The following FRMD3 variants were observed in gnomAD, a reference collection of about 807,000 sequenced individuals.
FRMD3 encodes FERM domain-containing protein 3.
In FRMD3, 33 loss-of-function variants were observed where a neutral mutation model predicts 70.2. The ratio of observed to expected loss-of-function variants is 0.47; its 90% confidence interval spans 0.36 to 0.63. The LOEUF (loss-of-function observed/expected upper bound fraction) is 0.63. Ranked by LOEUF, FRMD3 falls within the 20% of genes least tolerant of loss-of-function variation. The pLI is 0.00. For synonymous variants in FRMD3, 279 were observed against 255.9 expected (o/e 1.09, Z -0.86); for missense variants, 632 against 711.4 (o/e 0.89, Z 1.27).
At position 83,530,295 on chromosome 9, in the gene FRMD3, T is replaced by C. The variant is rs141025465; in HGVS notation, c.147+7790A>G. Among the ~76,000 whole-genome samples, 49 of 152,342 alleles carry C rather than the reference T, an allele frequency of 3.2e-4. No homozygotes were observed. In the East Asian group the frequency reaches 8.9e-3, roughly 28 times the overall value. On this transcript the variant is annotated intron_variant, in intron 1 of 13. Coordinates refer to ENST00000304195, the MANE Select transcript of FRMD3 (RefSeq NM_174938.6). ...ATATCTATGCAATGGACTGGACTAC[T>C]ATTCAACAAGAAAAAGGAAGGAGGT... is the stretch of plus-strand genomic sequence containing the variant.
chr9:83,316,942 T>C (rs1390303882), intron 6 of FRMD3, among the ~76,000 whole-genome samples: 2 of 152,132 alleles, frequency 1.3e-5, no homozygotes, highest in East Asian at 1.9e-4. Context: ...CAGTGGCTCA[T>C]GCCTGTTATC....
chr9:83,517,184 C>G (rs1203560222), intron 1 of FRMD3, among the ~76,000 whole-genome samples: 1 of 152,028 alleles, frequency 6.6e-6, no homozygotes, highest in Non-Finnish European at 1.5e-5. Flanking sequence ...AAACCAGGAG[C>G]TGGTTTTTTG....
chr9:83,461,449 C>T (rs534679596), intron 1 of FRMD3, among the ~76,000 whole-genome samples: 41 of 152,090 alleles, frequency 2.7e-4, no homozygotes, highest in African/African-American at 9.4e-4. Flanking sequence ...GTAAAACTAA[C>T]ACATGGGATA....
rs539134974 is a variant in FRMD3, at chr9:83,342,579, C to T, written c.472+611G>A. 3.3e-5 allele frequency among the ~76,000 whole-genome samples: 5 copies of T among 152,248 alleles called. No individual in the cohort carries two copies. The South Asian group carries it at 1.0e-3, about 32-fold the overall frequency. ...TGACAGTTTATGAGACTTGTGCTCT[C>T]CTCACCATGCCCACAGCTAGAAGAG... On this transcript the variant is annotated intron_variant, in intron 5 of 13. Coordinates refer to ENST00000304195, the MANE Select transcript of FRMD3 (RefSeq NM_174938.6).
At chr9:83,432,802 T>C (rs1403030522) in intron 1 of FRMD3, among the ~76,000 whole-genome samples, 1 of 152,270 alleles carries the variant, frequency 6.6e-6, no homozygotes, top group East Asian at 1.9e-4. Context: ...TTTTTGGTTA[T>C]GTGGACAAAT....
chr9:83,516,988 T>G (rs926201721), intron 1 of FRMD3, among the ~76,000 whole-genome samples: 1 of 152,190 alleles, frequency 6.6e-6, no homozygotes, highest in Non-Finnish European at 1.5e-5. Context: ...GAGGGAAATT[T>G]AGAGCACTAG....
intron 1 of FRMD3, among the ~76,000 whole-genome samples, chr9:83,405,755 T>G (rs940337469): frequency 1.4e-5 from 2 of 143,562 alleles, no homozygotes; most frequent in African/African-American, 5.5e-5. Context: ...AGAGCGAAAC[T>G]CAGTCAAAAA....
intron 1 of FRMD3, among the ~76,000 whole-genome samples, chr9:83,455,266 C>T (rs1008001123): frequency 6.6e-6 from 1 of 152,086 alleles, no homozygotes; most frequent in Non-Finnish European, 1.5e-5. Context: ...CAATATGTGG[C>T]TTGACATGTT....
At chr9:83,414,617 T>A (rs922876922) in intron 1 of FRMD3, among the ~76,000 whole-genome samples, 6 of 152,316 alleles carry the variant, frequency 3.9e-5, no homozygotes, top group South Asian at 4.1e-4. Context: ...GGATATATAT[T>A]TTTTTAAACT....
chr9:83,364,296 C>T (rs1162228881), intron 3 of FRMD3, among the ~76,000 whole-genome samples: 1 of 152,204 alleles, frequency 6.6e-6, no homozygotes, highest in African/African-American at 2.4e-5. Context: ...CGGTGGCTCA[C>T]GCCTGTAATC....
At chr9:83,581,844 G>A in the FRMD3 span, among the ~76,000 whole-genome samples, 1 of 152,208 alleles carries the variant, frequency 6.6e-6, no homozygotes, top group Non-Finnish European at 1.5e-5. Context: ...ACCACATAGT[G>A]TATGAATTCT....
chr9:83,376,134 T>C (rs1825137053), intron 2 of FRMD3, among the ~76,000 whole-genome samples: 2 of 144,936 alleles, frequency 1.4e-5, no homozygotes, highest in African/African-American at 5.2e-5. Flanking sequence ...CACTCCAGCC[T>C]GGGCCACAAG....
chr9:83,532,959 G>C (rs1268704479), intron 1 of FRMD3, among the ~76,000 whole-genome samples: 3 of 152,232 alleles, frequency 2.0e-5, no homozygotes, highest in Non-Finnish European at 4.4e-5. Context: ...GAAGATGCCA[G>C]AGTGAAAAGA....
intron 6 of FRMD3, among the ~76,000 whole-genome samples, chr9:83,334,451 G>A (rs1422445769): frequency 6.6e-6 from 1 of 152,088 alleles, no homozygotes; most frequent in Non-Finnish European, 1.5e-5. Flanking sequence ...CATAAAGGAG[G>A]GAGCTAGAAC....
chr9:83,344,854 T>C (rs2131169357), intron 4 of FRMD3, among the ~76,000 whole-genome samples: 1 of 151,998 alleles, frequency 6.6e-6, no homozygotes, highest in East Asian at 1.9e-4. Flanking sequence ...TGTGTGTGTG[T>C]GTGTAGCCTA....
rs567090459 is a variant in FRMD3, at chr9:83,397,307, T to C, written c.148-7599A>G. On this transcript the variant is annotated intron_variant, in intron 1 of 13. Coordinates refer to ENST00000304195, the MANE Select transcript of FRMD3 (RefSeq NM_174938.6). ...CTCAATTCCCTGATCACTGGAGGTA[T>C]TTGAGTTTACAATCCCTAATCTGAG... Among the ~76,000 whole-genome samples the C allele has an allele frequency of 2.6e-5, 4 of 152,302 alleles. No homozygotes were observed. The East Asian group carries it at 7.7e-4, about 29-fold the overall frequency.
At chr9:83,541,920 C>A (rs934872885), upstream of FRMD3, among the ~76,000 whole-genome samples, 1 of 152,106 alleles carries the variant, frequency 6.6e-6, no homozygotes, top group African/African-American at 2.4e-5. Flanking sequence ...CAAAGACAAC[C>A]AGAAACATTT....
chr9:83,520,295 T>G (rs1278006514), intron 1 of FRMD3, among the ~76,000 whole-genome samples: 1 of 152,220 alleles, frequency 6.6e-6, no homozygotes. Flanking sequence ...TCCAACTTTC[T>G]AAGTTCTCTC....
At chr9:83,309,730 T>A in intron 9 of FRMD3, 106 bp from the exon 10 acceptor site, 1 of 630,434 alleles carries the variant, frequency 1.6e-6, no homozygotes, top group Admixed American at 3.0e-5. Flanking sequence ...TATCTCCTAT[T>A]ACACAGACTT....
Sources: allele counts gnomAD v4.1 joint callset (sites outside exome capture counted in the v4.1 genomes callset), GRCh38; gene constraint gnomAD v4.1.1; transcripts MANE v1.5; gene names NCBI Gene and HGNC (gene_info 2026-07-23, HGNC 2026-07-21).